The following CNTNAP3B variants were observed in gnomAD, a reference collection of about 807,000 sequenced individuals.
The protein encoded by CNTNAP3B is contactin-associated protein-like 3B.
A neutral mutation model predicts 108.9 loss-of-function variants in CNTNAP3B; 25 were observed. The ratio of observed to expected loss-of-function variants is 0.23; its 90% CI spans 0.17 to 0.32. The LOEUF is 0.32. CNTNAP3B is among the 10% of genes least tolerant of loss of function. The probability of loss-of-function intolerance (pLI) is 1.00; values close to 1 mark genes in which losing one functional copy is unlikely to be tolerated. For missense variants in CNTNAP3B, 252 were observed against 1,210.4 expected, an observed-to-expected ratio of 0.21 and a Z score of 11.75; for synonymous variants, 103 against 473.4, an observed-to-expected ratio of 0.22 and a Z score of 10.16.
intron 13 of CNTNAP3B, among the ~76,000 whole-genome samples, chr9:41,946,090 G>A (rs1344728333): frequency 1.3e-5 from 2 of 148,676 alleles, no homozygotes; most frequent in East Asian, 2.0e-4. Context: ...AATATATTAG[G>A]GGGAAACTGA....
rs567728952 is a variant in CNTNAP3B, at chr9:42,109,014, TA to T, written c.86-4276del. On this transcript the variant is annotated intron_variant, in intron 1 of 23. Coordinates refer to ENST00000377561, the MANE Select transcript of CNTNAP3B (RefSeq NM_001201380.3). ...TTTTACCACATGAATATGAAATGAT[TA>T]AAAAATCAATTTGAGGAATTGCCCT... Among the ~76,000 whole-genome samples the T allele has an allele frequency of 3.7e-4, 52 of 139,588 alleles. 1 individual carries two copies. The East Asian group carries it at 9.7e-3, about 26-fold the overall frequency. 91.6% of individuals were successfully genotyped at this position (139,588 alleles called of 152,430 possible). A position where few individuals can be genotyped will look rare whatever the true frequency, so the allele number is the denominator to read the frequency against.
At chr9:42,053,977 G>A (rs1208005139) in intron 3 of CNTNAP3B, among the ~76,000 whole-genome samples, 1 of 151,910 alleles carries the variant, frequency 6.6e-6, no homozygotes, top group Non-Finnish European at 1.5e-5. Flanking sequence ...AACTCTGGGA[G>A]TATATCAACA....
At chr9:41,936,150 G>A (rs936972046) in intron 14 of CNTNAP3B, among the ~76,000 whole-genome samples, 1 of 152,304 alleles carries the variant, frequency 6.6e-6, no homozygotes, top group East Asian at 1.9e-4. Context: ...TGTGGCACTC[G>A]GCTGTAATCC....
At chr9:41,923,169 C>T (rs1157444509) in intron 16 of CNTNAP3B, among the ~76,000 whole-genome samples, 20 of 139,402 alleles carry the variant, frequency 1.4e-4, no homozygotes, top group African/African-American at 5.6e-4. Context: ...CTACCCATAG[C>T]TATGTACCCA....
chr9:42,075,299 G>A lies in CNTNAP3B; in HGVS notation c.390+1570C>T, dbSNP rs1827464254. ...CACATTCTGAGGTACTGGGAGTTAG[G>A]ATTCCAACATATGTCTTTGGGAAAC... On this transcript the variant is annotated intron_variant, in intron 3 of 23. Transcript: ENST00000377561. Among the ~76,000 whole-genome samples the A allele has an allele frequency of 1.4e-5, 2 of 145,578 alleles. 1 individual carries two copies. The highest frequency in any genetic ancestry group is 1.4e-4 in the Admixed American group (2 of 14,708).
intron 11 of CNTNAP3B, among the ~76,000 whole-genome samples, chr9:41,962,537 A>C (rs561433192): frequency 8.2e-4 from 120 of 146,396 alleles, no homozygotes; most frequent in African/African-American, 3.1e-3. Flanking sequence ...TTCTGCTTTT[A>C]GGTAAGATAC....
intron 3 of CNTNAP3B, among the ~76,000 whole-genome samples, chr9:42,044,349 G>A (rs1460188580): frequency 6.6e-6 from 1 of 150,926 alleles, no homozygotes; most frequent in Non-Finnish European, 1.5e-5. Context: ...GGGATTTGGG[G>A]ACTACTGCAG....
At chr9:41,958,552 G>C (rs1417080202) in intron 12 of CNTNAP3B, among the ~76,000 whole-genome samples, 4 of 151,936 alleles carry the variant, frequency 2.6e-5, no homozygotes, top group Non-Finnish European at 4.4e-5. Context: ...GTAGTCCTGT[G>C]ATTAGGTCTG....
chr9:42,073,011 G>C (rs1397403038), intron 3 of CNTNAP3B, among the ~76,000 whole-genome samples: 2 of 139,888 alleles, frequency 1.4e-5, no homozygotes, highest in Non-Finnish European at 3.1e-5. Flanking sequence ...AGTACATTCA[G>C]ATTTTGCTGC....
In CNTNAP3B at chr9:41,953,371, G is replaced by A. The variant is rs576863910; in HGVS notation, c.1892C>T (p.Thr631Met). The A allele has an allele frequency of 6.5e-6, 10 of 1,550,120 alleles. No individual in the cohort carries two copies. The South Asian group carries it at 8.2e-5, about 13-fold the overall frequency. Residue 631 changes from threonine to methionine, a missense_variant, in exon 13 of 24, where the codon ACG (threonine) becomes ATG (methionine). Transcript: ENST00000377561. ...YCNMTADSAW[T>M]VVRHGGPDAV... is the part of the protein sequence containing the mutation. Reference sequence around the variant, plus strand: ...GTCGGGGCCACCGTGCCGCACCACCGTCCACGCGGAGTCTGCTGAGCAGAA... The same window carrying A: ...GTCGGGGCCACCGTGCCGCACCACCATCCACGCGGAGTCTGCTGAGCAGAA...
chr9:42,063,767 G>A (rs1173729817), intron 3 of CNTNAP3B, among the ~76,000 whole-genome samples: 1 of 141,744 alleles, frequency 7.1e-6, no homozygotes. Context: ...TATTAGCCAG[G>A]CTGGAGTGCA....
At chr9:42,058,175 G>A (rs912253509) in intron 3 of CNTNAP3B, among the ~76,000 whole-genome samples, 1 of 147,682 alleles carries the variant, frequency 6.8e-6, no homozygotes, top group African/African-American at 2.5e-5. Context: ...CAATGAACAT[G>A]GTTGTACAGA....
At chr9:41,941,836 T>A (rs1220094665) in intron 13 of CNTNAP3B, among the ~76,000 whole-genome samples, 1 of 151,470 alleles carries the variant, frequency 6.6e-6, no homozygotes, top group Non-Finnish European at 1.5e-5. Flanking sequence ...GGATACGCCT[T>A]AGAGGGTCAA....
chr9:41,961,252 A>G (rs1442266703), intron 11 of CNTNAP3B, among the ~76,000 whole-genome samples: 3 of 152,304 alleles, frequency 2.0e-5, no homozygotes, highest in Non-Finnish European at 4.4e-5. Context: ...ACTATCTTCA[A>G]TAGACAATCT....
chr9:41,962,550 T>C lies in CNTNAP3B; in HGVS notation c.1757-1658A>G, dbSNP rs539956982. 4.8e-5 allele frequency among the ~76,000 whole-genome samples: 7 copies of C among 146,594 alleles called. No homozygotes were observed. The East Asian group carries it at 7.9e-4, about 17-fold the overall frequency. On this transcript the variant is annotated intron_variant, in intron 11 of 23. Coordinates refer to ENST00000377561, the MANE Select transcript of CNTNAP3B (RefSeq NM_001201380.3). ...GCTTCTGCTTTTAGGTAAGATACTA[T>C]GCCTGGAGGATGAAAGATACACAGA...
chr9:41,999,609 C>T (rs1825962253), intron 4 of CNTNAP3B, among the ~76,000 whole-genome samples: 1 of 111,242 alleles, frequency 9.0e-6, no homozygotes, highest in African/African-American at 4.0e-5. Flanking sequence ...CTCTGGAGAG[C>T]CCTGACTGAC....
At position 42,000,485 on chromosome 9, in the gene CNTNAP3B, TG is replaced by T. The variant is rs1441994073; in HGVS notation, c.539-1882del. On this transcript the variant is annotated intron_variant, in intron 4 of 23. Coordinates refer to ENST00000377561, the MANE Select transcript of CNTNAP3B (RefSeq NM_001201380.3). ...GTTGCTTAAAGAAAATGCTAATATT[TG>T]AGCTATTTTTTTTTAGTTGACTAAC... 1.2e-3 allele frequency among the ~76,000 whole-genome samples: 111 copies of T among 91,096 alleles called. 5 individuals carry two copies. Among genetic ancestry groups the T allele is most frequent in the African/African-American group, 5.7e-3 (108 of 19,080 alleles). The allele number at this position is 91,096 out of a possible 152,430, so 59.8% of individuals were successfully genotyped here. A position where few individuals can be genotyped will look rare whatever the true frequency, so the allele number is the denominator to read the frequency against.
intron 1 of CNTNAP3B, among the ~76,000 whole-genome samples, chr9:42,128,534 G>T (rs1828619988): frequency 7.3e-6 from 1 of 137,268 alleles, no homozygotes; most frequent in Non-Finnish European, 1.5e-5. Flanking sequence ...TCCCTATACT[G>T]CGTGGAAGTT....
intron 9 of CNTNAP3B, among the ~76,000 whole-genome samples, chr9:41,983,087 G>C (rs1158895320): frequency 7.8e-6 from 1 of 128,508 alleles, no homozygotes; most frequent in African/African-American, 3.2e-5. Context: ...TACCTACTAG[G>C]TACTATGCTC....
Sources: allele counts gnomAD v4.1 joint callset (sites outside exome capture counted in the v4.1 genomes callset), GRCh38; gene constraint gnomAD v4.1.1; transcripts MANE v1.5; gene names NCBI Gene and HGNC (gene_info 2026-07-23, HGNC 2026-07-21).